Variants in SETD5 observed in about 807,000 individuals in gnomAD.
SETD5 encodes histone-lysine N-methyltransferase SETD5.
Under a neutral mutation model 153.3 loss-of-function variants are expected in SETD5, and 44 were observed. The ratio of observed to expected loss-of-function variants is 0.29; its 90% confidence interval spans 0.23 to 0.37. The LOEUF is 0.37. Ranked by LOEUF, SETD5 falls within the 10% of genes least tolerant of loss-of-function variation. The pLI is 1.00. For synonymous variants in SETD5, 716 were observed against 645.2 expected (o/e 1.11, Z -1.66); for missense variants, 1,544 against 1,768.0 (o/e 0.87, Z 2.27).
chr3:9,447,629 TAG>T, intron 14 of SETD5, 55 bp from the exon 15 acceptor site: 1 of 1,548,408 alleles, frequency 6.5e-7, no homozygotes. Context: ...AATAGGAAAT[TAG>T]ACTGTTTGCT....
chr3:9,453,107 C>T (rs1266800870), intron 16 of SETD5, among the ~76,000 whole-genome samples: 1 of 151,746 alleles, frequency 6.6e-6, no homozygotes, highest in Non-Finnish European at 1.5e-5. Flanking sequence ...GACTTTTTCC[C>T]TTTTTTTTGA....
At chr3:9,450,450 A>AT (rs2042488483) in intron 16 of SETD5, among the ~76,000 whole-genome samples, 1 of 152,228 alleles carries the variant, frequency 6.6e-6, no homozygotes, top group Admixed American at 6.5e-5. Context: ...TGCTGTTCAC[A>AT]TATCAAGATT....
chr3:9,430,517 CTT>C (rs1454874871), intron 3 of SETD5: 1 of 256,946 alleles, frequency 3.9e-6, no homozygotes, highest in Non-Finnish European at 6.1e-6. Flanking sequence ...TTTTACAACT[CTT>C]TCCCCAAATA....
chr3:9,475,209 A>C, intron 22 of SETD5, 53 bp downstream of exon 22: 1 of 1,500,206 alleles, frequency 6.7e-7, no homozygotes, highest in Non-Finnish European at 9.1e-7. Context: ...CTGGGTCCCA[A>C]ATTGTCCTGG....
intron 3 of SETD5, chr3:9,431,518 A>C (rs7613389): frequency 0.036 from 35,530 of 975,332 alleles, 1,112 homozygotes; most frequent in African/African-American, 0.13. Context: ...AGTTACCTGT[A>C]AGTGTCTAAC....
At position 9,436,559 on chromosome 3, in the gene SETD5, A is replaced by G. The variant is rs186318696; in HGVS notation, c.567+653A>G. The stretch of plus-strand genomic sequence containing the variant: ...GCAACTTTAAAGTTTTTTTTTATTT[A>G]CTTTTTCTCTTAGTATCAGAGGTGC... On this transcript the variant is annotated intron_variant, in intron 7 of 22. Coordinates refer to ENST00000402198, the MANE Select transcript of SETD5 (RefSeq NM_001080517.3). 3.5e-4 allele frequency among the ~76,000 whole-genome samples: 53 copies of G among 152,082 alleles called. No individual in the cohort carries two copies. The Middle Eastern group carries it at 0.01, about 29-fold the overall frequency.
chr3:9,430,112 C>A, intron 3 of SETD5: 2 of 1,026,876 alleles, frequency 1.9e-6, no homozygotes, highest in Non-Finnish European at 2.4e-6. Flanking sequence ...GGGGATTCTT[C>A]CCCCTTCAGC....
intron 3 of SETD5, among the ~76,000 whole-genome samples, chr3:9,432,794 C>T (rs143734921): frequency 5.9e-5 from 9 of 152,216 alleles, no homozygotes; most frequent in East Asian, 3.9e-4. Flanking sequence ...TAATACATTG[C>T]GCTTGAATAG....
chr3:9,468,581 T>A, intron 18 of SETD5: 1 of 1,304,358 alleles, frequency 7.7e-7, no homozygotes, highest in East Asian at 5.5e-5. Context: ...CCGAGGTAGT[T>A]ATCACACCAT....
intron 7 of SETD5, chr3:9,436,938 C>A: frequency 1.3e-6 from 2 of 1,509,832 alleles, no homozygotes; most frequent in Non-Finnish European, 1.8e-6. Context: ...TGTGATCTTG[C>A]ATTTTGGTCA....
At chr3:9,469,351 T>A (rs897838303) in intron 18 of SETD5, among the ~76,000 whole-genome samples, 1 of 152,220 alleles carries the variant, frequency 6.6e-6, no homozygotes, top group African/African-American at 2.4e-5. Context: ...TAACTCTGAA[T>A]CTATTAATAC....
intron 13 of SETD5, among the ~76,000 whole-genome samples, chr3:9,446,017 G>A (rs868596777): frequency 6.4e-5 from 9 of 140,764 alleles, no homozygotes; most frequent in African/African-American, 2.5e-4. Context: ...GCTGGGCGCG[G>A]TGGCTCACGC....
chr3:9,434,937 G>T lies in SETD5; in HGVS notation c.388+55G>T. ...TTGACATAAAAATATTCTGTGATCT[G>T]AATGTTCATTTTAAGAACCCCTCTT... On this transcript the variant is annotated intron_variant, in intron 6 of 22. Transcript: ENST00000402198. The surrounding 1 kb of genome is among the most constrained non-coding windows in gnomAD (Gnocchi z 5.6). The T allele has an allele frequency of 1.9e-6, 3 of 1,580,144 alleles. No individual in the cohort carries two copies. The highest frequency in any genetic ancestry group is 2.6e-6 in the Non-Finnish European group (3 of 1,161,276).
chr3:9,425,358 C>T (rs574435703), intron 2 of SETD5, among the ~76,000 whole-genome samples: 3 of 152,156 alleles, frequency 2.0e-5, no homozygotes, highest in Non-Finnish European at 4.4e-5. Context: ...GCCACTGCAC[C>T]GGGCTGACTT....
At position 9,453,827 on chromosome 3, in the gene SETD5, A is replaced by G. The variant is rs1359551435; in HGVS notation, c.2435A>G (p.Asn812Ser). ...ETRTQHLYQS[N>S]ENSSSSSICK... ...AGAACTCAGCACCTATACCAAAGCA[A>G]TGAGAATAGTAGCTCTTCTAGTATC... The change falls in exon 17 of 23, where the codon AAT (asparagine) becomes AGT (serine). Residue 812 changes from asparagine to serine, a missense_variant. Coordinates refer to ENST00000402198, the MANE Select transcript of SETD5 (RefSeq NM_001080517.3). 6 of 1,603,588 alleles carry G rather than the reference A, an allele frequency of 3.7e-6. No individual in the cohort carries two copies. Among genetic ancestry groups the G allele is most frequent in the South Asian group, 2.2e-5 (2 of 88,952 alleles).
At chr3:9,453,224 T>C (rs756032914) in intron 16 of SETD5, among the ~76,000 whole-genome samples, 7 of 152,178 alleles carry the variant, frequency 4.6e-5, no homozygotes, top group Non-Finnish European at 8.8e-5. Flanking sequence ...AATAAACCTT[T>C]TGGAAACGCT....
chr3:9,457,339 T>TTTTG (rs1357556840), intron 17 of SETD5, among the ~76,000 whole-genome samples: 3 of 151,962 alleles, frequency 2.0e-5, no homozygotes, highest in Admixed American at 2.0e-4. Flanking sequence ...ATACAAAAAA[T>TTTTG]TAGCTGTGCG....
At chr3:9,408,070 A>G (rs981323344) in intron 1 of SETD5, among the ~76,000 whole-genome samples, 15 of 152,150 alleles carry the variant, frequency 9.9e-5, no homozygotes, top group South Asian at 4.1e-4. Context: ...CCTGGTTTAT[A>G]CCTGCTATCC....
Position 9,435,924 on chromosome 3 carries a change from A to T in SETD5, c.567+18A>T. On this transcript the variant is annotated intron_variant, in intron 7 of 22. Coordinates refer to ENST00000402198, the MANE Select transcript of SETD5 (RefSeq NM_001080517.3). ...AAATCAAGGTATGCAGGGTAAAAAT[A>T]TCTTAAATAGAAATTGTCTGAAATA... is the stretch of plus-strand genomic sequence containing the variant. The T allele has an allele frequency of 6.5e-7, 1 of 1,546,756 alleles. No homozygotes were observed. The highest frequency in any genetic ancestry group is 8.7e-7 in the Non-Finnish European group (1 of 1,148,304).
Sources: gnomAD v4.1 joint callset for allele counts (sites outside exome capture counted in the v4.1 genomes callset) on GRCh38, gnomAD v4.1.1 for gene constraint, Gnocchi (gnomAD v3.1) non-coding constraint, MANE v1.5 for transcripts, NCBI Gene and HGNC (gene_info 2026-07-23, HGNC 2026-07-21) for gene names.